Variants in FHIT observed in about 807,000 individuals in gnomAD.
FHIT encodes fragile histidine triad diadenosine triphosphatase.
FHIT carries 19 observed loss-of-function variants against 17.9 expected under a neutral mutation model. The ratio of observed to expected loss-of-function variants is 1.06; its 90% CI spans 0.74 to 1.56. The LOEUF (loss-of-function observed/expected upper bound fraction) is 1.56. FHIT is among the 40% of genes most tolerant of loss of function. The pLI is 0.00. For synonymous variants in FHIT, 81 were observed against 69.7 expected (o/e 1.16, Z -0.81); for missense variants, 248 against 189.2 (o/e 1.31, Z -1.82).
chr3:60,398,361 A>G (rs35667740), intron 5 of FHIT, among the ~76,000 whole-genome samples: 204 of 152,278 alleles, frequency 1.3e-3, no homozygotes, highest in Non-Finnish European at 2.4e-3. Context: ...AAGACTCATA[A>G]AGGACAATGC....
chr3:60,098,177 C>T (rs922059356), intron 5 of FHIT, among the ~76,000 whole-genome samples: 40 of 134,278 alleles, frequency 3.0e-4, no homozygotes, highest in Non-Finnish European at 5.6e-4. Context: ...AATAAACATA[C>T]GTGTGCATGT....
At chr3:60,476,380 C>A (rs2033344850) in intron 5 of FHIT, among the ~76,000 whole-genome samples, 1 of 152,052 alleles carries the variant, frequency 6.6e-6, no homozygotes, top group African/African-American at 2.4e-5. Context: ...CGCAAACGTC[C>A]AGTTAAAACC....
intron 4 of FHIT, among the ~76,000 whole-genome samples, chr3:60,709,746 A>C (rs1290931034): frequency 6.6e-6 from 1 of 152,212 alleles, no homozygotes; most frequent in Non-Finnish European, 1.5e-5. Flanking sequence ...TGTCAAGCTC[A>C]TGGTGGCATA....
chr3:60,503,124 G>C (rs762777722), intron 5 of FHIT, among the ~76,000 whole-genome samples: 4 of 152,118 alleles, frequency 2.6e-5, no homozygotes, highest in Non-Finnish European at 4.4e-5. Flanking sequence ...TGTGACTTTG[G>C]TCAAACTGCT....
intron 3 of FHIT, among the ~76,000 whole-genome samples, chr3:60,860,414 T>TATATATC (rs1703659350): frequency 7.1e-6 from 1 of 139,916 alleles, no homozygotes; most frequent in Non-Finnish European, 1.6e-5. Context: ...ACATACATCA[T>TATATATC]ATGTATATAT....
rs1198772978 is a variant in FHIT at position 61,003,636 on chromosome 3, C to T, written c.-111+38411G>A. Among the ~76,000 whole-genome samples, 3 of 152,304 alleles carry T rather than the reference C, an allele frequency of 2.0e-5. No individual in the cohort carries two copies. In the East Asian group the frequency reaches 5.8e-4, roughly 29 times the overall value. Reference sequence around the variant, plus strand: ...GATTACCAGGGTATCTGCAATCAAGCTTTCAATGTAAGAAATATCAATATC... The same window carrying T: ...GATTACCAGGGTATCTGCAATCAAGTTTTCAATGTAAGAAATATCAATATC... On this transcript the variant is annotated intron_variant, in intron 3 of 9. Transcript: ENST00000492590.
At chr3:61,107,219 T>C (rs1336792777) in intron 2 of FHIT, among the ~76,000 whole-genome samples, 1 of 152,210 alleles carries the variant, frequency 6.6e-6, no homozygotes, top group Non-Finnish European at 1.5e-5. Context: ...AGTGAGATCA[T>C]GCAGTATTTG....
chr3:60,751,589 T>C (rs1553716857), intron 4 of FHIT, among the ~76,000 whole-genome samples: 9 of 152,354 alleles, frequency 5.9e-5, no homozygotes, highest in Non-Finnish European at 2.9e-5. Flanking sequence ...CAAATATTTT[T>C]GTCCCTTTTT....
intron 5 of FHIT, among the ~76,000 whole-genome samples, chr3:60,418,872 G>C (rs951901026): frequency 6.6e-6 from 1 of 152,012 alleles, no homozygotes; most frequent in African/African-American, 2.4e-5. Flanking sequence ...AAATAAATGT[G>C]CTATAATAGC....
Position 60,391,936 on chromosome 3 carries a change from T to C in FHIT, c.103+144924A>G, listed in dbSNP as rs1056094157. Among the ~76,000 whole-genome samples, 6 of 152,154 alleles carry C rather than the reference T, an allele frequency of 3.9e-5. No individual in the cohort carries two copies. In the East Asian group the frequency reaches 5.8e-4, roughly 15 times the overall value. ...CTTTCCTTAATGTTTCTTTCTTCTT[T>C]TTTTCTTTTTTTAATTCTGATTACT... On this transcript the variant is annotated intron_variant, in intron 5 of 9. Coordinates refer to ENST00000492590, the MANE Select transcript of FHIT (RefSeq NM_002012.4).
intron 8 of FHIT, among the ~76,000 whole-genome samples, chr3:59,768,559 G>A (rs1336628782): frequency 6.6e-6 from 1 of 152,114 alleles, no homozygotes. Flanking sequence ...CCACTCTATA[G>A]GTTTCCTGGG....
chr3:60,348,892 C>T (rs1455641785), intron 5 of FHIT, among the ~76,000 whole-genome samples: 1 of 152,218 alleles, frequency 6.6e-6, no homozygotes, highest in East Asian at 1.9e-4. Context: ...GGAGCTAAGT[C>T]ATTCAGCCAA....
At chr3:59,754,202 C>T (rs1466964839) in intron 8 of FHIT, among the ~76,000 whole-genome samples, 1 of 140,770 alleles carries the variant, frequency 7.1e-6, no homozygotes, top group Non-Finnish European at 1.5e-5. Flanking sequence ...TGTATTTCCA[C>T]TCCTGGTAAG....
At chr3:59,856,860 C>T (rs550315945) in intron 8 of FHIT, among the ~76,000 whole-genome samples, 47 of 133,786 alleles carry the variant, frequency 3.5e-4, no homozygotes, top group Non-Finnish European at 5.7e-4. Flanking sequence ...TACTTAGCTC[C>T]CCGGCTGAGT....
At chr3:59,948,015 T>C (rs78271882) in intron 7 of FHIT, among the ~76,000 whole-genome samples, 1,559 of 152,276 alleles carry the variant, frequency 0.01, 27 homozygotes, top group African/African-American at 0.035. Flanking sequence ...TTCTATGGTA[T>C]AGATGTACCA....
intron 5 of FHIT, among the ~76,000 whole-genome samples, chr3:60,352,960 G>C (rs556412877): frequency 6.6e-6 from 1 of 152,216 alleles, no homozygotes; most frequent in South Asian, 2.1e-4. Context: ...ACCTCCCTTG[G>C]AGATCAATTC....
intron 5 of FHIT, among the ~76,000 whole-genome samples, chr3:60,043,904 C>A (rs937490116): frequency 2.0e-5 from 3 of 152,080 alleles, no homozygotes; most frequent in African/African-American, 2.4e-5. Context: ...ACTAGGTTGA[C>A]TTTATGTCTT....
chr3:60,733,376 A>G (rs1396916834), intron 4 of FHIT, among the ~76,000 whole-genome samples: 2 of 152,036 alleles, frequency 1.3e-5, no homozygotes, highest in African/African-American at 2.4e-5. Flanking sequence ...TATTGTTCCA[A>G]TATATTTTAT....
chr3:60,394,649 A>G (rs1447620758), intron 5 of FHIT, among the ~76,000 whole-genome samples: 1 of 152,130 alleles, frequency 6.6e-6, no homozygotes, highest in Non-Finnish European at 1.5e-5. Flanking sequence ...TTTCATCTCC[A>G]ATGGAGGAAA....
Sources: allele counts gnomAD v4.1 joint callset (sites outside exome capture counted in the v4.1 genomes callset), GRCh38; gene constraint gnomAD v4.1.1; transcripts MANE v1.5; gene names NCBI Gene and HGNC (gene_info 2026-07-23, HGNC 2026-07-21).